Variants in ARMH4 observed in about 807,000 individuals in gnomAD.
The protein encoded by ARMH4 is armadillo-like helical domain-containing protein 4.
A neutral mutation model predicts 61.9 loss-of-function variants in ARMH4; 49 were observed. That is an observed-to-expected ratio of 0.79 (90% CI 0.63 to 1.00). The LOEUF is 1.00. Among genes scored for constraint, ARMH4 ranks in the 50% least tolerant of loss-of-function variants. ARMH4 has a pLI of 0.00. For missense variants in ARMH4, 934 were observed against 930.0 expected, an observed-to-expected ratio of 1.00 and a Z score of -0.06; for synonymous variants, 368 against 341.5, an observed-to-expected ratio of 1.08 and a Z score of -0.85.
At chr14:58,079,300 G>A (rs559966621) in intron 5 of ARMH4, among the ~76,000 whole-genome samples, 47 of 152,250 alleles carry the variant, frequency 3.1e-4, no homozygotes, top group African/African-American at 1.1e-3. Context: ...CATGGTACTC[G>A]CATCTGGCAA....
At chr14:58,008,259 A>G (rs1380348500) in intron 6 of ARMH4, among the ~76,000 whole-genome samples, 2 of 152,228 alleles carry the variant, frequency 1.3e-5, no homozygotes, top group Non-Finnish European at 2.9e-5. Context: ...TCAGGAAAAA[A>G]GAGGAGAATG....
intron 6 of ARMH4, among the ~76,000 whole-genome samples, chr14:58,006,216 G>A (rs1882165371): frequency 6.6e-6 from 1 of 152,114 alleles, no homozygotes; most frequent in Admixed American, 6.6e-5. Context: ...CCTTTCATGG[G>A]GGAACACAGG....
chr14:58,048,526 T>C (rs1021479221), intron 5 of ARMH4, among the ~76,000 whole-genome samples: 2 of 152,224 alleles, frequency 1.3e-5, no homozygotes, highest in African/African-American at 4.8e-5. Context: ...TCTCCAGCCC[T>C]TCAAATTGCT....
chr14:58,041,421 C>A (rs765139657), intron 5 of ARMH4, among the ~76,000 whole-genome samples: 245 of 152,248 alleles, frequency 1.6e-3, no homozygotes, highest in Non-Finnish European at 2.4e-3. Context: ...ACCAGGCCTG[C>A]CCTACAAGAG....
At chr14:58,112,263 C>G (rs1448603383) in intron 4 of ARMH4, among the ~76,000 whole-genome samples, 1 of 150,730 alleles carries the variant, frequency 6.6e-6, no homozygotes, top group Non-Finnish European at 1.5e-5. Context: ...TTATTTTTTC[C>G]ACTTTTTCTG....
At chr14:58,049,690 G>C (rs1884068975) in intron 5 of ARMH4, among the ~76,000 whole-genome samples, 1 of 152,046 alleles carries the variant, frequency 6.6e-6, no homozygotes, top group Non-Finnish European at 1.5e-5. Flanking sequence ...CATGATGACA[G>C]AGGTGGCTGT....
In ARMH4 at chr14:58,138,614, T is replaced by C; in HGVS notation, c.745A>G (p.Ser249Gly). ...GGCTTCTCCTTATCAGGGGTGAGGCTTCCAGGCTCACTGCCTGCTGTGGAC... is the reference window on the plus strand; with the variant it reads ...GGCTTCTCCTTATCAGGGGTGAGGCCTCCAGGCTCACTGCCTGCTGTGGAC... ...AESTAGSEPG[S>G]LTPDKEKPSQ... Residue 249 changes from serine to glycine, a missense_variant, in exon 2 of 8, where the codon AGC becomes GGC. Ser to Gly is a moderately conservative substitution (Grantham distance 56). Coordinates refer to ENST00000267485, the MANE Select transcript of ARMH4 (RefSeq NM_001001872.4). The C allele has an allele frequency of 6.2e-7, 1 of 1,614,214 alleles. No individual in the cohort carries two copies. Among genetic ancestry groups the C allele is most frequent in the Non-Finnish European group, 8.5e-7 (1 of 1,180,028 alleles).
chr14:58,046,630 G>T (rs1474458930), intron 5 of ARMH4, among the ~76,000 whole-genome samples: 1 of 152,164 alleles, frequency 6.6e-6, no homozygotes, highest in Admixed American at 6.5e-5. Flanking sequence ...GCCCAGCTCA[G>T]CAACTACAGG....
At chr14:58,111,778 G>C (rs951029844) in intron 4 of ARMH4, among the ~76,000 whole-genome samples, 9 of 151,650 alleles carry the variant, frequency 5.9e-5, no homozygotes, top group Admixed American at 2.6e-4. Flanking sequence ...CTGCAGTCTT[G>C]AACTCCTGGG....
intron 5 of ARMH4, among the ~76,000 whole-genome samples, chr14:58,033,176 T>C (rs1276992820): frequency 9.1e-6 from 1 of 109,860 alleles, no homozygotes; most frequent in African/African-American, 3.3e-5. Flanking sequence ...AAGAGAGCAG[T>C]GGTTCTCCCA....
At chr14:58,019,549 G>A (rs1955635) in intron 5 of ARMH4, among the ~76,000 whole-genome samples, 44,486 of 151,958 alleles carry the variant, frequency 0.29, 6,716 homozygotes, top group African/African-American at 0.33. Flanking sequence ...AACAAAAAAC[G>A]TGTGAAGATC....
chr14:58,008,214 C>T (rs1442729704), intron 6 of ARMH4, among the ~76,000 whole-genome samples: 2 of 151,982 alleles, frequency 1.3e-5, no homozygotes, highest in Non-Finnish European at 2.9e-5. Flanking sequence ...TAAGGGTAAA[C>T]AGGCCACAAC....
chr14:58,088,885 C>T (rs570006794), intron 5 of ARMH4, among the ~76,000 whole-genome samples: 6 of 152,236 alleles, frequency 3.9e-5, no homozygotes, highest in South Asian at 4.1e-4. Context: ...TGTACAGCAA[C>T]ACTTCTGAAA....
chr14:58,012,528 G>C (rs533535593), intron 5 of ARMH4, among the ~76,000 whole-genome samples: 54 of 152,200 alleles, frequency 3.5e-4, no homozygotes, highest in African/African-American at 1.2e-3. Flanking sequence ...AAGCTCAGTG[G>C]GAATGCTGCG....
intron 1 of ARMH4, among the ~76,000 whole-genome samples, chr14:58,144,663 T>G (rs1239312463): frequency 6.6e-6 from 1 of 152,114 alleles, no homozygotes; most frequent in Admixed American, 6.5e-5. Context: ...GCCAGGAGAT[T>G]GAGACCATCC....
intron 4 of ARMH4, among the ~76,000 whole-genome samples, chr14:58,107,679 G>A (rs960346399): frequency 4.7e-4 from 70 of 149,874 alleles, no homozygotes; most frequent in African/African-American, 1.1e-3. Context: ...CAGGAGAATC[G>A]CTTGAACCCA....
chr14:58,133,822 T>TG (rs1027826072), intron 2 of ARMH4, among the ~76,000 whole-genome samples: 1 of 152,224 alleles, frequency 6.6e-6, no homozygotes, highest in African/African-American at 2.4e-5. Context: ...TGAGTTTCTA[T>TG]GTTAAACACC....
intron 5 of ARMH4, among the ~76,000 whole-genome samples, chr14:58,013,157 G>GAAAACT (rs1267461802): frequency 2.0e-5 from 3 of 152,172 alleles, no homozygotes; most frequent in Non-Finnish European, 4.4e-5. Context: ...AAACAGAGTG[G>GAAAACT]AAAACTTTTA....
Position 58,096,712 on chromosome 14 carries a change from C to T in ARMH4, c.2089+12G>A, listed in dbSNP as rs1566577799. 1.1e-5 allele frequency: 17 copies of T among 1,610,652 alleles called. No individual in the cohort carries two copies. Among genetic ancestry groups the T allele is most frequent in the Non-Finnish European group, 1.4e-5 (16 of 1,177,436 alleles). On this transcript the variant is annotated intron_variant, in intron 5 of 7. Coordinates refer to ENST00000267485, the MANE Select transcript of ARMH4 (RefSeq NM_001001872.4). ...GAGAAGGGAGGAAAAGGGAAATACACATGACTCTTACCCAGGCCTTGATTC... is the reference window on the plus strand; with the variant it reads ...GAGAAGGGAGGAAAAGGGAAATACATATGACTCTTACCCAGGCCTTGATTC...
Sources: allele counts gnomAD v4.1 joint callset (sites outside exome capture counted in the v4.1 genomes callset), GRCh38; gene constraint gnomAD v4.1.1; transcripts MANE v1.5; gene names NCBI Gene and HGNC (gene_info 2026-07-23, HGNC 2026-07-21).